Variants in MAML3 observed in about 807,000 individuals in gnomAD.
The protein encoded by MAML3 is mastermind like transcriptional coactivator 3.
In MAML3, 27 loss-of-function variants were observed where a neutral mutation model predicts 101.9. That is an observed-to-expected ratio of 0.27 (90% CI 0.20 to 0.37). MAML3 has a LOEUF of 0.37. Ranked by LOEUF, MAML3 falls within the 10% of genes least tolerant of loss-of-function variation. MAML3 has a pLI of 1.00. For missense variants in MAML3, 1,316 were observed against 1,444.9 expected (o/e 0.91, Z 1.45); for synonymous variants, 501 against 555.9 (o/e 0.90, Z 1.39).
rs562249683 is a variant in MAML3 at position 139,899,290 on chromosome 4, A to C, written c.469-8323T>G. ...TGATACTCTGGGGGCTCTCATAAACAGAACTAAGAAACAGTGCTCTAGATG... is the reference window on the plus strand; with the variant it reads ...TGATACTCTGGGGGCTCTCATAAACCGAACTAAGAAACAGTGCTCTAGATG... On this transcript the variant is annotated intron_variant, in intron 1 of 4. Coordinates refer to ENST00000509479, the MANE Select transcript of MAML3 (RefSeq NM_018717.5). Among the ~76,000 whole-genome samples the C allele has an allele frequency of 7.2e-5, 11 of 152,334 alleles. 1 individual carries two copies. The South Asian group carries it at 2.3e-3, about 32-fold the overall frequency.
intron 1 of MAML3, among the ~76,000 whole-genome samples, chr4:139,971,664 T>C (rs1734237363): frequency 6.6e-6 from 1 of 152,230 alleles, no homozygotes. Flanking sequence ...TATGGTAAAT[T>C]CATTCATGGC....
chr4:139,816,425 C>T (rs973156555), intron 2 of MAML3, among the ~76,000 whole-genome samples: 1 of 152,164 alleles, frequency 6.6e-6, no homozygotes, highest in South Asian at 2.1e-4. Context: ...ATGGGGCCTG[C>T]AGATCGTGAG....
chr4:139,801,641 T>TGG (rs879512958), intron 2 of MAML3, among the ~76,000 whole-genome samples: 4 of 22,304 alleles, frequency 1.8e-4, no homozygotes, highest in East Asian at 3.7e-3. Flanking sequence ...AGGGTGTGTG[T>TGG]GGGTGTGTGT....
At position 139,925,544 on chromosome 4, in the gene MAML3, CTTGATAAGA is replaced by C. The variant is rs1207177927; in HGVS notation, c.469-34586_469-34578del. ...TGGATCCGGCCCCAGTCCCTGTACT[CTTGATAAGA>C]TAAAGTGGCCAAAAAAAACAAGGTG... On this transcript the variant is annotated intron_variant, in intron 1 of 4. Coordinates refer to ENST00000509479, the MANE Select transcript of MAML3 (RefSeq NM_018717.5). Among the ~76,000 whole-genome samples the C allele has an allele frequency of 5.9e-5, 9 of 151,994 alleles. 1 individual carries two copies. Among genetic ancestry groups the C allele is most frequent in the Non-Finnish European group, 1.2e-4 (8 of 68,008 alleles).
intron 1 of MAML3, among the ~76,000 whole-genome samples, chr4:140,079,443 A>T (rs1032669831): frequency 6.6e-6 from 1 of 152,024 alleles, no homozygotes; most frequent in African/African-American, 2.4e-5. Context: ...ACAGGCACCC[A>T]CCACCACACT....
intron 2 of MAML3, among the ~76,000 whole-genome samples, chr4:139,787,106 T>G (rs1362018326): frequency 6.6e-6 from 1 of 152,224 alleles, no homozygotes; most frequent in African/African-American, 2.4e-5. Flanking sequence ...AGCTTTCCCT[T>G]CCCGGCTGTG....
At chr4:140,003,514 T>C (rs1009204939) in intron 1 of MAML3, among the ~76,000 whole-genome samples, 1 of 152,164 alleles carries the variant, frequency 6.6e-6, no homozygotes, top group Admixed American at 6.5e-5. Flanking sequence ...TTGAGGCCAA[T>C]ATGATTCAAC....
chr4:139,914,404 G>A (rs1732989917), intron 1 of MAML3, among the ~76,000 whole-genome samples: 4 of 152,108 alleles, frequency 2.6e-5, no homozygotes, highest in South Asian at 4.2e-4. Flanking sequence ...TATTATTATT[G>A]ATTATAATGT....
chr4:139,911,760 G>A (rs949722716), intron 1 of MAML3, among the ~76,000 whole-genome samples: 2 of 152,178 alleles, frequency 1.3e-5, no homozygotes, highest in African/African-American at 2.4e-5. Flanking sequence ...TGAAGACATC[G>A]GAAGAAGACA....
At chr4:139,853,129 T>A (rs1005609685) in intron 2 of MAML3, among the ~76,000 whole-genome samples, 4 of 152,190 alleles carry the variant, frequency 2.6e-5, no homozygotes, top group African/African-American at 9.7e-5. Context: ...TCAGCCCTAG[T>A]ATCCACACAT....
Position 139,877,735 on chromosome 4 carries a change from T to C in MAML3, c.2079+11622A>G, listed in dbSNP as rs1219204873. Among the ~76,000 whole-genome samples, 8 of 152,170 alleles carry C rather than the reference T, an allele frequency of 5.3e-5. No homozygotes were observed. In the South Asian group the frequency reaches 6.2e-4, roughly 12 times the overall value. On this transcript the variant is annotated intron_variant, in intron 2 of 4. Transcript: ENST00000509479. Reference sequence around the variant, plus strand: ...CACCTTTTGCAGAGTGTGGGACAAGTAGTACCTCAGAAAACTGGAAATATA... The same window carrying C: ...CACCTTTTGCAGAGTGTGGGACAAGCAGTACCTCAGAAAACTGGAAATATA...
chr4:139,779,909 C>A (rs1340012609), intron 2 of MAML3, among the ~76,000 whole-genome samples: 1 of 152,226 alleles, frequency 6.6e-6, no homozygotes, highest in Non-Finnish European at 1.5e-5. Flanking sequence ...ACAGATCAGT[C>A]TTCGTTATGT....
At chr4:139,930,279 G>A (rs931333618) in intron 1 of MAML3, among the ~76,000 whole-genome samples, 4 of 152,176 alleles carry the variant, frequency 2.6e-5, no homozygotes, top group Admixed American at 1.3e-4. Flanking sequence ...CACAACAGAT[G>A]CTAAAAAATC....
intron 2 of MAML3, among the ~76,000 whole-genome samples, chr4:139,764,296 C>T (rs1236907881): frequency 6.6e-6 from 1 of 152,208 alleles, no homozygotes; most frequent in African/African-American, 2.4e-5. Flanking sequence ...ATCAGCAACT[C>T]CACGCCCTGC....
At chr4:139,981,049 C>T (rs1734434622) in intron 1 of MAML3, among the ~76,000 whole-genome samples, 1 of 152,118 alleles carries the variant, frequency 6.6e-6, no homozygotes, top group African/African-American at 2.4e-5. Context: ...TTTCCTAGAG[C>T]TGCCACAACA....
chr4:140,105,230 G>A (rs144811539), intron 1 of MAML3, among the ~76,000 whole-genome samples: 18 of 152,338 alleles, frequency 1.2e-4, no homozygotes, highest in Admixed American at 5.2e-4. Context: ...GTCCTTTTGT[G>A]CTAGTGCACA....
intron 1 of MAML3, among the ~76,000 whole-genome samples, chr4:139,959,218 G>C (rs1445765889): frequency 1.3e-5 from 2 of 152,124 alleles, no homozygotes; most frequent in Non-Finnish European, 2.9e-5. Flanking sequence ...CTTGTAAGTG[G>C]GGTAAAATCT....
At chr4:140,128,927 A>C (rs1186828015) in intron 1 of MAML3, among the ~76,000 whole-genome samples, 5 of 152,178 alleles carry the variant, frequency 3.3e-5, no homozygotes, top group Non-Finnish European at 7.3e-5. Flanking sequence ...CTCCACTAGC[A>C]TAGGTAGTCT....
At chr4:140,131,086 T>A (rs1344210428) in intron 1 of MAML3, among the ~76,000 whole-genome samples, 1 of 152,126 alleles carries the variant, frequency 6.6e-6, no homozygotes. Flanking sequence ...AATAAACTAT[T>A]ATCTGCTGGC....
Sources: allele counts gnomAD v4.1 joint callset (sites outside exome capture counted in the v4.1 genomes callset), GRCh38; gene constraint gnomAD v4.1.1; transcripts MANE v1.5; gene names NCBI Gene and HGNC (gene_info 2026-07-23, HGNC 2026-07-21).